The following CCT6B variants were observed in gnomAD, a reference collection of about 807,000 sequenced individuals.
The protein encoded by CCT6B is probable T-complex protein 1 subunit zeta-2.
A neutral mutation model predicts 61.5 loss-of-function variants in CCT6B; 49 were observed. The observed-to-expected ratio is 0.80, with a 90% CI of 0.63 to 1.01. CCT6B has a LOEUF of 1.01. Ranked by LOEUF, CCT6B falls within the 50% of genes least tolerant of loss-of-function variation. The probability of loss-of-function intolerance (pLI) is 0.00; values close to 1 mark genes in which losing one functional copy is unlikely to be tolerated. For missense variants in CCT6B, 666 were observed against 634.7 expected (o/e 1.05, Z -0.53); for synonymous variants, 228 against 214.5 (o/e 1.06, Z -0.55).
chr17:34,929,048 A>T lies in CCT6B; in HGVS notation c.1451-14T>A, dbSNP rs367617898. 345 of 1,536,062 alleles carry T rather than the reference A, an allele frequency of 2.2e-4. 2 individuals are homozygous for T. Among genetic ancestry groups the T allele is most frequent in the South Asian group, 1.4e-3 (125 of 87,048 alleles). ...CCATTGGCTCACCTGAAAAGTAAAA[A>T]CAATTTTCATACCAAAATCTTAGTA... On this transcript the variant is annotated splice_polypyrimidine_tract_variant and intron_variant, in intron 12 of 13. Coordinates refer to ENST00000314144, the MANE Select transcript of CCT6B (RefSeq NM_006584.4).
At chr17:34,941,401 T>C (rs1291205234) in intron 7 of CCT6B, among the ~76,000 whole-genome samples, 1 of 152,232 alleles carries the variant, frequency 6.6e-6, no homozygotes, top group African/African-American at 2.4e-5. Context: ...GTGGAAACTT[T>C]GCCTATCTCA....
At chr17:34,942,692 A>G in intron 6 of CCT6B, 49 bp from the exon 7 acceptor site, 1 of 1,527,056 alleles carries the variant, frequency 6.5e-7, no homozygotes, top group African/African-American at 1.4e-5. Context: ...GAAAAAGGAA[A>G]AAAGATAGAA....
At chr17:34,933,468 T>C (rs1382041564) in intron 10 of CCT6B, among the ~76,000 whole-genome samples, 1 of 152,208 alleles carries the variant, frequency 6.6e-6, no homozygotes, top group Non-Finnish European at 1.5e-5. Flanking sequence ...CCCCTTTCAC[T>C]GCTTCACTTC....
intron 2 of CCT6B, among the ~76,000 whole-genome samples, chr17:34,959,124 T>TC (rs1491541446): frequency 4.0e-4 from 1 of 2,470 alleles, no homozygotes; most frequent in African/African-American, 4.9e-4. Context: ...AAAAAAAAAC[T>TC]TTTTTTTTTT....
chr17:34,959,720 C>T, intron 1 of CCT6B, 70 bp from the exon 2 acceptor site: 1 of 1,081,656 alleles, frequency 9.2e-7, no homozygotes, highest in Non-Finnish European at 1.4e-6. Context: ...ACTCCATTAT[C>T]CTTAATAGAG....
At chr17:34,940,419 A>AT (rs534748628) in intron 8 of CCT6B, 120 bp downstream of exon 8, 10 of 582,784 alleles carry the variant, frequency 1.7e-5, no homozygotes, top group East Asian at 3.2e-5. Flanking sequence ...CAAAATTTGG[A>AT]TTTTTTTATG....
intron 5 of CCT6B, among the ~76,000 whole-genome samples, chr17:34,946,102 A>C (rs2142160973): frequency 6.6e-6 from 1 of 152,348 alleles, no homozygotes. Context: ...AGCTAGAAAT[A>C]ATCAGCCCTC....
intron 5 of CCT6B, among the ~76,000 whole-genome samples, chr17:34,946,296 T>C (rs1020110048): frequency 6.6e-6 from 1 of 152,112 alleles, no homozygotes; most frequent in South Asian, 2.1e-4. Flanking sequence ...ATGGCACATA[T>C]GAACACAAAG....
intron 5 of CCT6B, chr17:34,943,494 A>G (rs1412137338): frequency 1.3e-5 from 2 of 152,204 alleles, no homozygotes; most frequent in Non-Finnish European, 2.9e-5. Context: ...AATAACATGG[A>G]AAAATATTTA....
intron 1 of CCT6B, 49 bp downstream of exon 1, chr17:34,961,208 C>T (rs771448466): frequency 4.5e-6 from 7 of 1,557,490 alleles, no homozygotes; most frequent in Non-Finnish European, 6.1e-6. Context: ...GGCGACAGGA[C>T]ACCAACGGGC....
Position 34,928,071 on chromosome 17 carries a change from C to T in CCT6B, c.1570G>A (p.Ala524Thr). 1 of 1,611,298 alleles carries T rather than the reference C, an allele frequency of 6.2e-7. No individual in the cohort carries two copies. Among genetic ancestry groups the T allele is most frequent in the Non-Finnish European group, 8.5e-7 (1 of 1,178,708 alleles). Residue 524 changes from alanine to threonine, a missense_variant, in exon 14 of 14, where the codon GCT (alanine) becomes ACT (threonine). Physicochemically the swap from Ala to Thr is moderately conservative, Grantham distance 58. Transcript: ENST00000314144. Reference sequence around the variant, plus strand: ...CATCATTTGAGAGAAGACATCCCAGCTCGCATAATTTCATCAACCAGGAGA... The same window carrying T: ...CATCATTTGAGAGAAGACATCCCAGTTCGCATAATTTCATCAACCAGGAGA... ...NILLVDEIMR[A>T]GMSSLK
At chr17:34,954,654 T>C (rs1171333145) in intron 3 of CCT6B, 55 bp from the exon 4 acceptor site, 4 of 1,387,566 alleles carry the variant, frequency 2.9e-6, no homozygotes, top group Non-Finnish European at 3.9e-6. Flanking sequence ...AATGTAAAAG[T>C]AACCAACCTG....
chr17:34,952,113 C>T, intron 4 of CCT6B, 60 bp from the exon 5 acceptor site: 1 of 1,026,626 alleles, frequency 9.7e-7, no homozygotes, highest in South Asian at 1.4e-5. Flanking sequence ...AAACCAAGGG[C>T]CCAAACAATC....
chr17:34,938,129 A>G (rs1369161049), intron 10 of CCT6B, among the ~76,000 whole-genome samples: 1 of 151,992 alleles, frequency 6.6e-6, no homozygotes, highest in African/African-American at 2.4e-5. Context: ...GGCTCAAGCA[A>G]TCCTCCCATC....
chr17:34,931,616 G>T (rs570641605), intron 11 of CCT6B, among the ~76,000 whole-genome samples: 1 of 152,124 alleles, frequency 6.6e-6, no homozygotes, highest in Admixed American at 6.6e-5. Flanking sequence ...GTGTACTGGG[G>T]TTACCAATTT....
intron 11 of CCT6B, among the ~76,000 whole-genome samples, chr17:34,931,473 G>C (rs892175115): frequency 1.3e-5 from 2 of 152,074 alleles, no homozygotes; most frequent in Non-Finnish European, 2.9e-5. Context: ...CAGCACCTTT[G>C]TGCCCCTCAT....
At chr17:34,941,620 C>T (rs2090164569) in intron 7 of CCT6B, among the ~76,000 whole-genome samples, 1 of 152,136 alleles carries the variant, frequency 6.6e-6, no homozygotes, top group East Asian at 1.9e-4. Flanking sequence ...CTACCAAATA[C>T]CCATATCTAG....
At chr17:34,930,910 C>A in intron 12 of CCT6B, 39 bp downstream of exon 12, 1 of 1,040,656 alleles carries the variant, frequency 9.6e-7, no homozygotes, top group Middle Eastern at 2.1e-4. Context: ...TAAAGAATAA[C>A]CTCTTTATTA....
chr17:34,959,111 CA>C (rs1221182616), intron 2 of CCT6B, among the ~76,000 whole-genome samples: 7 of 108,592 alleles, frequency 6.4e-5, no homozygotes, highest in Non-Finnish European at 7.4e-5. Context: ...TGGAAACAGC[CA>C]AAAAAAAAAA....
Sources: gnomAD v4.1 joint callset for allele counts (sites outside exome capture counted in the v4.1 genomes callset) on GRCh38, gnomAD v4.1.1 for gene constraint, MANE v1.5 for transcripts, NCBI Gene and HGNC (gene_info 2026-07-23, HGNC 2026-07-21) for gene names.